RBFOX1: variants seen among roughly 807,000 people sequenced by gnomAD.
RBFOX1 encodes RNA binding fox-1 homolog 1.
RBFOX1 carries 8 observed loss-of-function variants against 57.7 expected under a neutral mutation model. The ratio of observed to expected loss-of-function variants is 0.14; its 90% CI spans 0.08 to 0.25. The LOEUF (loss-of-function observed/expected upper bound fraction) is 0.25, where lower values mean the gene tolerates loss of function less well. Among genes scored for constraint, RBFOX1 ranks in the 10% least tolerant of loss-of-function variants. RBFOX1 has a pLI of 1.00. For missense variants in RBFOX1, 611 were observed against 548.5 expected, an observed-to-expected ratio of 1.11 and a Z score of -1.14; for synonymous variants, 326 against 222.4, an observed-to-expected ratio of 1.47 and a Z score of -4.15.
intron 4 of RBFOX1, among the ~76,000 whole-genome samples, chr16:7,476,008 C>G (rs868419285): frequency 5.9e-5 from 9 of 151,994 alleles, no homozygotes; most frequent in Non-Finnish European, 5.9e-5. Flanking sequence ...CTCTGTCACC[C>G]AGGCTGGAGT....
intron 2 of RBFOX1, among the ~76,000 whole-genome samples, chr16:6,428,415 A>G (rs1026886186): frequency 6.6e-6 from 1 of 152,168 alleles, no homozygotes; most frequent in South Asian, 2.1e-4. Context: ...ACTGGGTGGA[A>G]TACAAAACTA....
At chr16:6,146,294 A>G (rs1240507355) in intron 1 of RBFOX1, among the ~76,000 whole-genome samples, 1 of 152,162 alleles carries the variant, frequency 6.6e-6, no homozygotes, top group Non-Finnish European at 1.5e-5. Flanking sequence ...TACACTGAAG[A>G]AAATATTATT....
At chr16:7,583,478 T>C (rs920917230) in intron 6 of RBFOX1, among the ~76,000 whole-genome samples, 1 of 152,244 alleles carries the variant, frequency 6.6e-6, no homozygotes, top group Admixed American at 6.5e-5. Context: ...CTAAATAGAA[T>C]GTTTAACTTA....
intron 2 of RBFOX1, among the ~76,000 whole-genome samples, chr16:6,531,603 C>G (rs941332515): frequency 6.6e-6 from 1 of 152,072 alleles, no homozygotes; most frequent in Non-Finnish European, 1.5e-5. Context: ...ATAAAAGTGG[C>G]CTTAATGTTC....
chr16:6,952,709 GGCTCATGCCTGTCA>G (rs1162367990), intron 3 of RBFOX1, among the ~76,000 whole-genome samples: 4 of 152,104 alleles, frequency 2.6e-5, no homozygotes, highest in Non-Finnish European at 5.9e-5. Flanking sequence ...CGGGCACGGT[GGCTCATGCCTGTCA>G]GCTCAGCACT....
chr16:7,077,123 T>G (rs1466499844), intron 4 of RBFOX1, among the ~76,000 whole-genome samples: 1 of 152,186 alleles, frequency 6.6e-6, no homozygotes, highest in Non-Finnish European at 1.5e-5. Context: ...AGAAATCTCT[T>G]CAAGGCCTGT....
At position 6,049,309 on chromosome 16, in the gene RBFOX1, C is replaced by G. The variant is rs1259090547; in HGVS notation, c.-127+29317C>G. ...AAACTCCTGACTTCGGGTGATCCAC[C>G]CACCTCAGTCTCCTTTAAAAAAAAA... is the stretch of plus-strand genomic sequence containing the variant. On this transcript the variant is annotated intron_variant, in intron 1 of 15. Coordinates refer to ENST00000550418, the MANE Select transcript of RBFOX1 (RefSeq NM_018723.4). 2.2e-5 allele frequency among the ~76,000 whole-genome samples: 3 copies of G among 135,384 alleles called. No homozygotes were observed. In the Admixed American group the frequency reaches 2.4e-4, roughly 11 times the overall value. The allele number at this position is 135,384 out of a possible 152,430, so 88.8% of individuals were successfully genotyped here.
At chr16:7,239,637 C>G (rs965659950) in intron 4 of RBFOX1, among the ~76,000 whole-genome samples, 1 of 152,016 alleles carries the variant, frequency 6.6e-6, no homozygotes, top group Admixed American at 6.6e-5. Flanking sequence ...CTTTATTGCC[C>G]CCTGATAAGA....
chr16:7,248,896 C>G (rs575126349), intron 4 of RBFOX1, among the ~76,000 whole-genome samples: 62 of 152,248 alleles, frequency 4.1e-4, no homozygotes, highest in African/African-American at 1.4e-3. Flanking sequence ...GCAAATGTTG[C>G]TATGTATAGC....
At chr16:5,597,313 A>C (rs373751385) in intron 2 of RBFOX1, among the ~76,000 whole-genome samples, 9 of 135,476 alleles carry the variant, frequency 6.6e-5, no homozygotes, top group African/African-American at 2.6e-4. Context: ...CTCTCTTTTG[A>C]GACAGGGTCT....
At chr16:6,303,157 C>A (rs900674615) in intron 1 of RBFOX1, among the ~76,000 whole-genome samples, 2 of 152,160 alleles carry the variant, frequency 1.3e-5, no homozygotes, top group African/African-American at 2.4e-5. Flanking sequence ...GTTGTGAGAC[C>A]TTTCTCAGGT....
chr16:7,146,765 A>T (rs528926155), intron 4 of RBFOX1, among the ~76,000 whole-genome samples: 2 of 151,452 alleles, frequency 1.3e-5, no homozygotes, highest in Non-Finnish European at 1.5e-5. Flanking sequence ...CCTGGGACAC[A>T]TAGTGAGACC....
chr16:7,154,346 G>T (rs942225350), intron 4 of RBFOX1, among the ~76,000 whole-genome samples: 7 of 152,164 alleles, frequency 4.6e-5, no homozygotes, highest in African/African-American at 1.7e-4. Context: ...ATCTCTGCCT[G>T]GGAGATTAGA....
At chr16:5,297,517 C>T in intron 1 of RBFOX1, among the ~76,000 whole-genome samples, 1 of 152,044 alleles carries the variant, frequency 6.6e-6, no homozygotes, top group East Asian at 1.9e-4. Context: ...TTTTTATATA[C>T]CGGTGGGTCA....
rs1381380015 is a variant in RBFOX1 at position 6,409,257 on chromosome 16, T to G, written c.-64+92200T>G. 2.6e-5 allele frequency among the ~76,000 whole-genome samples: 4 copies of G among 152,076 alleles called. No homozygotes were observed. In the East Asian group the frequency reaches 7.8e-4, roughly 29 times the overall value. The stretch of plus-strand genomic sequence containing the variant: ...AGTGAAACCCCATCTCTACTAAAAA[T>G]ACAAAAATTAGCTGGGCATGGTGGT... On this transcript the variant is annotated intron_variant, in intron 2 of 15. Transcript: ENST00000550418.
chr16:7,141,319 A>C (rs1171807907), intron 4 of RBFOX1, among the ~76,000 whole-genome samples: 1 of 152,182 alleles, frequency 6.6e-6, no homozygotes, highest in Non-Finnish European at 1.5e-5. Context: ...GGAATACCAG[A>C]CACAGTGCTT....
chr16:7,311,003 G>A (rs1397512585), intron 4 of RBFOX1, among the ~76,000 whole-genome samples: 1 of 152,210 alleles, frequency 6.6e-6, no homozygotes, highest in Non-Finnish European at 1.5e-5. Flanking sequence ...GCCGTGTCCG[G>A]TCTGGAATTA....
chr16:5,957,097 G>A (rs189582630), intron 4 of RBFOX1, among the ~76,000 whole-genome samples: 32 of 152,284 alleles, frequency 2.1e-4, no homozygotes, highest in Non-Finnish European at 3.7e-4. Context: ...TTGTTTTACC[G>A]AAGAGCCACT....
intron 1 of RBFOX1, among the ~76,000 whole-genome samples, chr16:5,389,853 A>G (rs2066356647): frequency 6.6e-6 from 1 of 151,874 alleles, no homozygotes; most frequent in South Asian, 2.1e-4. Flanking sequence ...GCCTGCCACC[A>G]CGACCAGCTA....
Sources: allele counts gnomAD v4.1 joint callset (sites outside exome capture counted in the v4.1 genomes callset), GRCh38; gene constraint gnomAD v4.1.1; transcripts MANE v1.5; gene names NCBI Gene and HGNC (gene_info 2026-07-23, HGNC 2026-07-21).